The following NIN variants were observed in gnomAD, a reference collection of about 807,000 sequenced individuals.
The protein encoded by NIN is ninein.
Under a neutral mutation model 257.6 loss-of-function variants are expected in NIN, and 137 were observed. That is an observed-to-expected ratio of 0.53 (90% CI 0.46 to 0.61). The LOEUF (loss-of-function observed/expected upper bound fraction) is 0.61. NIN is among the 20% of genes least tolerant of loss of function. The pLI, the probability that NIN is intolerant of heterozygous loss-of-function variation, is 0.00. For missense variants in NIN, 2,439 were observed against 2,501.2 expected, an observed-to-expected ratio of 0.98 and a Z score of 0.53; for synonymous variants, 918 against 919.8, an observed-to-expected ratio of 1.00 and a Z score of 0.04.
chr14:50,765,419 T>C (rs565508413), intron 14 of NIN, among the ~76,000 whole-genome samples: 1 of 152,352 alleles, frequency 6.6e-6, no homozygotes, highest in African/African-American at 2.4e-5. Context: ...CATGTATGTA[T>C]ATTTCCTGAA....
chr14:50,824,069 C>A (rs73299330), intron 2 of NIN, among the ~76,000 whole-genome samples: 1,556 of 152,278 alleles, frequency 0.01, 27 homozygotes, highest in African/African-American at 0.036. Flanking sequence ...TTTACAGTCC[C>A]CTGGGCTGTT....
At chr14:50,727,819 T>A in intron 29 of NIN, 1 of 1,328,784 alleles carries the variant, frequency 7.5e-7, no homozygotes, top group South Asian at 1.2e-5. Flanking sequence ...GGAGTCTAAA[T>A]TCACACATCT....
At chr14:50,779,849 G>A (rs1258768918) in intron 5 of NIN, among the ~76,000 whole-genome samples, 7 of 152,188 alleles carry the variant, frequency 4.6e-5, no homozygotes, top group Non-Finnish European at 8.8e-5. Flanking sequence ...GTGGCATAGT[G>A]AGGAGAGAGA....
At chr14:50,758,733 G>A (rs2042148952) in intron 17 of NIN, 103 bp from the exon 18 acceptor site, 3 of 1,028,022 alleles carry the variant, frequency 2.9e-6, no homozygotes, top group Non-Finnish European at 4.1e-6. Context: ...GCAAACAACT[G>A]AAATACTCCC....
At position 50,770,455 on chromosome 14, in the gene NIN, T is replaced by G; in HGVS notation, c.1367A>C (p.Glu456Ala). Residue 456 changes from glutamate (E) to alanine (A), a missense_variant, in exon 12 of 31, where the codon GAA becomes GCA. Physicochemically the swap from Glu to Ala is moderately radical, Grantham distance 107. Coordinates refer to ENST00000530997, the MANE Select transcript of NIN (RefSeq NM_020921.4). ...QQAGKQRLEL[E>A]QEIEKAKTEE... ...TGTTTTTGCCTTTTCAATTTCCTGT[T>G]CAAGTTCTAAACGCTGCTTGCCTGC... The G allele has an allele frequency of 1.2e-6, 2 of 1,614,240 alleles. No individual in the cohort carries two copies. Among genetic ancestry groups the G allele is most frequent in the Non-Finnish European group, 1.7e-6 (2 of 1,180,024 alleles).
chr14:50,741,445 G>T, intron 25 of NIN, 137 bp downstream of exon 25: 1 of 694,644 alleles, frequency 1.4e-6, no homozygotes, highest in Non-Finnish European at 2.3e-6. Context: ...TCTAAGTGAT[G>T]GTTATACAAA....
At chr14:50,799,012 G>A (rs1272230312) in intron 4 of NIN, among the ~76,000 whole-genome samples, 13 of 152,148 alleles carry the variant, frequency 8.5e-5, no homozygotes, top group Admixed American at 2.0e-4. Context: ...TTTTGACCTC[G>A]TGACCCATCT....
At chr14:50,765,071 A>T (rs1033120532) in intron 14 of NIN, among the ~76,000 whole-genome samples, 4 of 136,954 alleles carry the variant, frequency 2.9e-5, no homozygotes, top group Non-Finnish European at 6.1e-5. Flanking sequence ...CTTAAAAAAA[A>T]AAAAAAAAAA....
At position 50,782,930 on chromosome 14, in the gene NIN, C is replaced by T. The variant is rs930746240; in HGVS notation, c.436-4126G>A. Among the ~76,000 whole-genome samples, 29 of 149,168 alleles carry T rather than the reference C, an allele frequency of 1.9e-4. 1 individual carries two copies. The East Asian group carries it at 5.2e-3, about 27-fold the overall frequency. On this transcript the variant is annotated intron_variant, in intron 5 of 30. Transcript: ENST00000530997. Reference sequence around the variant, plus strand: ...GATCTGCCTTGTGGACTGAGACCATCTCAAACAGACATTCTTGAGACAGTC... The same window carrying T: ...GATCTGCCTTGTGGACTGAGACCATTTCAAACAGACATTCTTGAGACAGTC...
chr14:50,760,437 CTTTTTTTTTT>C (rs35995624), intron 16 of NIN, 78 bp from the exon 17 acceptor site: 30 of 425,592 alleles, frequency 7.0e-5, no homozygotes, highest in Non-Finnish European at 8.7e-5. Flanking sequence ...GCAGCAATTG[CTTTTTTTTTT>C]TTTTTTTTTT....
intron 2 of NIN, among the ~76,000 whole-genome samples, chr14:50,828,232 C>T (rs1353913258): frequency 6.6e-6 from 1 of 152,144 alleles, no homozygotes; most frequent in Non-Finnish European, 1.5e-5. Context: ...ATCTTCTCTT[C>T]TCACGTCTAT....
chr14:50,737,364 G>A (rs1249202194), intron 27 of NIN, among the ~76,000 whole-genome samples: 1 of 152,004 alleles, frequency 6.6e-6, no homozygotes, highest in Non-Finnish European at 1.5e-5. Flanking sequence ...AAGCGTTCGG[G>A]TAACTGCAGG....
chr14:50,726,116 AC>A, intron 29 of NIN, 50 bp from the exon 30 acceptor site: 2 of 1,428,012 alleles, frequency 1.4e-6, no homozygotes, highest in Non-Finnish European at 2.0e-6. Flanking sequence ...CACTGAAAAC[AC>A]TGGTTTATTT....
At chr14:50,779,376 T>C (rs1189668782) in intron 5 of NIN, among the ~76,000 whole-genome samples, 1 of 152,256 alleles carries the variant, frequency 6.6e-6, no homozygotes, top group Non-Finnish European at 1.5e-5. Context: ...TATGTTGCTA[T>C]GCAGATGGGA....
chr14:50,750,112 G>A (rs531618815), intron 21 of NIN, among the ~76,000 whole-genome samples: 1 of 151,928 alleles, frequency 6.6e-6, no homozygotes, highest in African/African-American at 2.4e-5. Context: ...CTTTTGACAT[G>A]TCCTTTTTTT....
chr14:50,762,023 C>T, intron 15 of NIN, 112 bp from the exon 16 acceptor site: 1 of 1,144,730 alleles, frequency 8.7e-7, no homozygotes, highest in South Asian at 1.4e-5. Context: ...GCCTGAATTA[C>T]CAGAGATGTG....
At position 50,743,538 on chromosome 14, in the gene NIN, G is replaced by C. The variant is rs2041390366; in HGVS notation, c.5188-9C>G. 6.3e-7 allele frequency: 1 copy of C among 1,592,028 alleles called. No homozygotes were observed. The highest frequency in any genetic ancestry group is 2.2e-5 in the East Asian group (1 of 44,748). ...AGACTTGATTTTGCCAACTGTTTCA[G>C]GAAGGGAAAAAGAGGTAAGAGGGCA... On this transcript the variant is annotated splice_polypyrimidine_tract_variant and intron_variant, in intron 23 of 30. Transcript: ENST00000530997.
In NIN at chr14:50,756,724, T is replaced by C. The variant is rs962782313; in HGVS notation, c.4306A>G (p.Thr1436Ala). The C allele has an allele frequency of 7.1e-6, 11 of 1,551,408 alleles. No individual in the cohort carries two copies. The African/African-American group carries it at 9.6e-5, about 14-fold the overall frequency. ...QNQVILEENT[T>A]LLGFQDKHFQ... ...TGTTTGTCTTGAAAGCCTAGGAGAG[T>C]AGTGTTTTCCTCCAGTATAACTTGA... Residue 1436 changes from threonine (T) to alanine (A), a missense_variant, in exon 18 of 31, where the codon ACT (threonine) becomes GCT (alanine). Physicochemically the swap from Thr to Ala is moderately conservative, Grantham distance 58. Coordinates refer to ENST00000530997, the MANE Select transcript of NIN (RefSeq NM_020921.4).
At chr14:50,753,186 G>A (rs1235408903) in intron 20 of NIN, among the ~76,000 whole-genome samples, 1 of 152,052 alleles carries the variant, frequency 6.6e-6, no homozygotes, top group Non-Finnish European at 1.5e-5. Context: ...GATCACCTGA[G>A]GTCAGGAGTT....
Sources: gnomAD v4.1 joint callset for allele counts (sites outside exome capture counted in the v4.1 genomes callset) on GRCh38, gnomAD v4.1.1 for gene constraint, MANE v1.5 for transcripts, NCBI Gene and HGNC (gene_info 2026-07-23, HGNC 2026-07-21) for gene names.